CCDC57: variants seen among roughly 807,000 people sequenced by gnomAD.
CCDC57 encodes coiled-coil domain-containing protein 57.
A neutral mutation model predicts 118.9 loss-of-function variants in CCDC57; 118 were observed. That is an observed-to-expected ratio of 0.99 (90% CI 0.86 to 1.16). The LOEUF (loss-of-function observed/expected upper bound fraction) is 1.16, where lower values mean the gene tolerates loss of function less well. Ranked by LOEUF, CCDC57 falls within the 50% of genes most tolerant of loss-of-function variation. The probability of loss-of-function intolerance (pLI) is 0.00; values close to 1 mark genes in which losing one functional copy is unlikely to be tolerated. For missense variants in CCDC57, 1,300 were observed against 1,320.7 expected (o/e 0.98, Z 0.24); for synonymous variants, 527 against 532.9 (o/e 0.99, Z 0.15).
intron 1 of CCDC57, among the ~76,000 whole-genome samples, chr17:82,210,855 G>A (rs796494721): frequency 1.7e-4 from 26 of 149,110 alleles, no homozygotes; most frequent in Admixed American, 6.0e-4. Context: ...TTAGCTGGGG[G>A]TGGTGGTGGG....
At chr17:82,153,904 T>C (rs189075408) in intron 15 of CCDC57, 1 of 152,472 alleles carries the variant, frequency 6.6e-6, no homozygotes, top group African/African-American at 2.4e-5. Context: ...AGGACATGTA[T>C]GAGTGAGTGA....
intron 16 of CCDC57, among the ~76,000 whole-genome samples, chr17:82,148,034 GTAGA>G (rs1192039011): frequency 2.0e-5 from 2 of 101,498 alleles, no homozygotes; most frequent in African/African-American, 3.8e-5. Flanking sequence ...TGGATGGATG[GTAGA>G]TGGATGGGTG....
rs1160827859 is a variant in CCDC57 at position 82,172,779 on chromosome 17, T to C, written c.1588A>G (p.Ser530Gly). The change falls in exon 12 of 20, where the codon AGC becomes GGC. Residue 530 changes from serine to glycine, a missense_variant. By Grantham distance (56) the Ser-to-Gly change is moderately conservative. Transcript: ENST00000665763. This position sits in a 1 kb window ranked among gnomAD's most constrained non-coding sequence, Gnocchi z 5.2. The stretch of plus-strand genomic sequence containing the variant: ...ATCTGGGCAATCGCGTTTCGCAAGC[T>C]CGTGTTCTGCTCTCGGAGCCGCTGG... 1.2e-6 allele frequency: 2 copies of C among 1,613,368 alleles called. No individual in the cohort carries two copies. Among genetic ancestry groups the C allele is most frequent in the African/African-American group, 1.3e-5 (1 of 75,052 alleles).
At chr17:82,148,073 G>A (rs1230249097) in intron 16 of CCDC57, among the ~76,000 whole-genome samples, 2 of 95,896 alleles carry the variant, frequency 2.1e-5, no homozygotes, top group Non-Finnish European at 4.5e-5. Context: ...TGGATGGGTG[G>A]GTAGATGGGT....
rs766440295 is a variant in CCDC57 at position 82,157,860 on chromosome 17, C to T, written c.2129G>A (p.Arg710Gln). 9.4e-6 allele frequency: 15 copies of T among 1,589,318 alleles called. No homozygotes were observed. In the Admixed American group the frequency reaches 1.2e-4, roughly 13 times the overall value. The change falls in exon 15 of 20, where the codon CGG (arginine) becomes CAG (glutamine). Residue 710 changes from arginine (R) to glutamine (Q), a missense_variant. By Grantham distance (43) the Arg-to-Gln change is conservative. Transcript: ENST00000665763. The stretch of plus-strand genomic sequence containing the variant: ...CTTCCCCAGCTCAGCCACCTGCTTC[C>T]GCAGCTCCAAAACCTCCAGGTGTAC...
At position 82,197,615 on chromosome 17, in the gene CCDC57, G is replaced by A. The variant is rs57446083; in HGVS notation, c.516+699C>T. 1.3e-3 allele frequency among the ~76,000 whole-genome samples: 197 copies of A among 152,290 alleles called. 2 individuals are homozygous for A. In the East Asian group the frequency reaches 0.034, roughly 27 times the overall value. On this transcript the variant is annotated intron_variant, in intron 4 of 19. Transcript: ENST00000665763. Reference sequence around the variant, plus strand: ...AGTTTCATCATTTCTGAGGTGTGCTGGTTAATTCCATGTGTCAAATGACTG... The same window carrying A: ...AGTTTCATCATTTCTGAGGTGTGCTAGTTAATTCCATGTGTCAAATGACTG...
At chr17:82,157,759 G>A in exon 15 of CCDC57, 1 of 1,597,462 alleles carries the variant, frequency 6.3e-7, no homozygotes, top group Non-Finnish European at 8.5e-7. Context: ...TCTCTCCCAA[G>A]GGCCACGGCG....
At chr17:82,165,929 G>T (rs527868741) in intron 13 of CCDC57, among the ~76,000 whole-genome samples, 185 of 152,232 alleles carry the variant, frequency 1.2e-3, no homozygotes, top group African/African-American at 4.3e-3. Context: ...CCTGACAAAA[G>T]AAAAGACAGA....
chr17:82,119,009 T>G (rs1385939386), intron 19 of CCDC57, among the ~76,000 whole-genome samples: 1 of 149,200 alleles, frequency 6.7e-6, no homozygotes, highest in Non-Finnish European at 1.5e-5. Context: ...ACCCTGCCAA[T>G]TGCTGAATGG....
At chr17:82,179,076 A>T (rs1202106703) in exon 10 of CCDC57, 9 of 1,613,930 alleles carry the variant, frequency 5.6e-6, no homozygotes, top group Non-Finnish European at 7.6e-6. Flanking sequence ...TGACTTTTGG[A>T]TCTGGTCCCT....
At chr17:82,123,311 T>C (rs2036987181) in intron 19 of CCDC57, among the ~76,000 whole-genome samples, 2 of 132,230 alleles carry the variant, frequency 1.5e-5, no homozygotes, top group Admixed American at 1.5e-4. Context: ...TTTTTTTTTT[T>C]TGAGATGATG....
intron 17 of CCDC57, among the ~76,000 whole-genome samples, chr17:82,133,376 A>G (rs2038692788): frequency 6.8e-6 from 1 of 148,068 alleles, no homozygotes; most frequent in South Asian, 2.2e-4. Flanking sequence ...CCTGTCTCAA[A>G]GGACAAAAAA....
intron 2 of CCDC57, 81 bp from the exon 2 acceptor site, chr17:82,202,033 T>C: frequency 7.4e-7 from 1 of 1,344,116 alleles, no homozygotes; most frequent in Non-Finnish European, 9.9e-7. Context: ...TCACATTCCC[T>C]ATCAACAGTT....
intron 17 of CCDC57, among the ~76,000 whole-genome samples, chr17:82,131,292 C>T (rs8069827): frequency 0.47 from 70,344 of 151,108 alleles, 17,144 homozygotes; most frequent in East Asian, 0.88. Context: ...TTAACTGTGT[C>T]TGGTGGTGTG....
rs1449864862 is a variant in CCDC57 at position 82,118,043 on chromosome 17, G to A, written c.2899+9649C>T. ...AAACAAAGGGAGGTGAGCCGATGCG[G>A]CGGCTCACAAAACTACCAGAAAGAT... On this transcript the variant is annotated intron_variant, in intron 19 of 19. Coordinates refer to ENST00000665763, the Ensembl canonical transcript of CCDC57. The surrounding 1 kb of genome is among the most constrained non-coding windows in gnomAD (Gnocchi z 4.7). Among the ~76,000 whole-genome samples the A allele has an allele frequency of 5.3e-5, 8 of 152,202 alleles. No individual in the cohort carries two copies.
chr17:82,133,457 A>G (rs1025800575), intron 17 of CCDC57, among the ~76,000 whole-genome samples: 1 of 144,562 alleles, frequency 6.9e-6, no homozygotes, highest in African/African-American at 2.6e-5. Flanking sequence ...AAAAAAAAAT[A>G]GAAGTTTTTG....
exon 6 of CCDC57, chr17:82,194,052 C>T (rs768811815): frequency 2.0e-5 from 32 of 1,613,674 alleles, no homozygotes; most frequent in Non-Finnish European, 2.4e-5. Context: ...TCCAGCTCGG[C>T]GTTGGTGGCC....
intron 19 of CCDC57, among the ~76,000 whole-genome samples, chr17:82,104,009 C>T (rs1207570365): frequency 6.6e-6 from 1 of 152,226 alleles, no homozygotes; most frequent in African/African-American, 2.4e-5. Context: ...GGGCAGCGGA[C>T]AGCCCCAGCC....
At chr17:82,105,382 C>T (rs1008503498) in intron 19 of CCDC57, among the ~76,000 whole-genome samples, 6 of 152,172 alleles carry the variant, frequency 3.9e-5, no homozygotes, top group African/African-American at 1.4e-4. Context: ...TAGTTATTTC[C>T]AAGTCTCTTG....
Sources: allele counts gnomAD v4.1 joint callset (sites outside exome capture counted in the v4.1 genomes callset), GRCh38; gene constraint gnomAD v4.1.1; non-coding constraint Gnocchi (gnomAD v3.1); transcripts MANE v1.5; gene names NCBI Gene and HGNC (gene_info 2026-07-23, HGNC 2026-07-21).